The following LHX8 variants were observed in gnomAD, a reference collection of about 807,000 sequenced individuals.
LHX8 encodes the protein LIM/homeobox protein Lhx8.
A neutral mutation model predicts 40.3 loss-of-function variants in LHX8; 12 were observed. The observed-to-expected ratio is 0.30, with a 90% CI of 0.19 to 0.48. The LOEUF is 0.48. Ranked by LOEUF, LHX8 falls within the 20% of genes least tolerant of loss-of-function variation. The pLI is 0.99. For missense variants in LHX8, 344 were observed against 433.7 expected, an observed-to-expected ratio of 0.79 and a Z score of 1.84; for synonymous variants, 179 against 162.0, an observed-to-expected ratio of 1.10 and a Z score of -0.80.
the LHX8 span, among the ~76,000 whole-genome samples, chr1:75,186,604 G>A: frequency 2.6e-5 from 4 of 152,128 alleles, no homozygotes; most frequent in African/African-American, 9.7e-5. Context: ...TGGTTTGCGA[G>A]GACATGGTGT....
At chr1:75,189,600 C>G in the LHX8 span, among the ~76,000 whole-genome samples, 1 of 152,088 alleles carries the variant, frequency 6.6e-6, no homozygotes, top group African/African-American at 2.4e-5. Flanking sequence ...TAAATGTTTT[C>G]TAAGTAGATT....
chr1:75,157,738 T>G (rs549938463), intron 8 of LHX8, among the ~76,000 whole-genome samples: 6 of 152,366 alleles, frequency 3.9e-5, no homozygotes, highest in African/African-American at 1.4e-4. Context: ...TATATTATTG[T>G]GAGAATCTGT....
chr1:75,141,455 G>A (rs751927522), intron 4 of LHX8, among the ~76,000 whole-genome samples: 4 of 152,110 alleles, frequency 2.6e-5, no homozygotes, highest in Non-Finnish European at 4.4e-5. Flanking sequence ...GGAATGGTTA[G>A]ATGAAATAAA....
chr1:75,187,207 A>G, the LHX8 span, among the ~76,000 whole-genome samples: 3 of 152,156 alleles, frequency 2.0e-5, no homozygotes, highest in Non-Finnish European at 4.4e-5. Flanking sequence ...ATTCCCACCT[A>G]AAGTCCCCAA....
the LHX8 span, among the ~76,000 whole-genome samples, chr1:75,180,634 C>T: frequency 3.3e-5 from 5 of 152,170 alleles, no homozygotes; most frequent in African/African-American, 1.2e-4. Context: ...TGGGTTCGAA[C>T]ATCCTTCTTT....
Position 75,140,851 on chromosome 1 carries a change from A to T in LHX8, c.238-134A>T, listed in dbSNP as rs150414579. On this transcript the variant is annotated intron_variant, in intron 3 of 8. Transcript: ENST00000356261. ...AAAAATGACATCTTAAAAAAAAATG[A>T]CATCTTTTGGATGAAAACATTCAGA... 547 of 864,182 alleles carry T rather than the reference A, an allele frequency of 6.3e-4. 2 individuals carry two copies. The African/African-American group carries it at 7.9e-3, about 13-fold the overall frequency. 53.5% of individuals were successfully genotyped at this position (864,182 alleles called of 1,614,324 possible).
At chr1:75,174,276 T>A in the LHX8 span, among the ~76,000 whole-genome samples, 2 of 151,960 alleles carry the variant, frequency 1.3e-5, no homozygotes, top group Non-Finnish European at 2.9e-5. Flanking sequence ...CATCCTGGAG[T>A]CTGGTACAAC....
the LHX8 span, among the ~76,000 whole-genome samples, chr1:75,185,883 C>G: frequency 6.6e-6 from 1 of 152,132 alleles, no homozygotes; most frequent in East Asian, 1.9e-4. Context: ...AAATTACTAG[C>G]ATTCCTATAC....
upstream of LHX8, chr1:75,130,770 A>G (rs1308845397): frequency 1.0e-5 from 16 of 1,607,292 alleles, no homozygotes; most frequent in East Asian, 2.2e-5. Context: ...GCAATCTCCT[A>G]AAGTCTTTTT....
At chr1:75,170,964 T>C in the LHX8 span, among the ~76,000 whole-genome samples, 20 of 152,214 alleles carry the variant, frequency 1.3e-4, no homozygotes, top group African/African-American at 2.2e-4. Flanking sequence ...TTACAGATGA[T>C]ACAATTGAGG....
intron 7 of LHX8, among the ~76,000 whole-genome samples, chr1:75,152,983 CCTAT>C (rs1230054877): frequency 2.0e-5 from 3 of 152,130 alleles, no homozygotes; most frequent in Non-Finnish European, 2.9e-5. Flanking sequence ...ATTTATTAAT[CCTAT>C]CTGTCATGTT....
At chr1:75,136,451 G>A (rs928082263) in intron 1 of LHX8, 152 bp from the exon 2 acceptor site, 5 of 436,008 alleles carry the variant, frequency 1.1e-5, no homozygotes, top group Non-Finnish European at 1.5e-5. Flanking sequence ...CCCGCCCGCG[G>A]CGCCCGGGCT....
intron 3 of LHX8, 71 bp downstream of exon 3, chr1:75,137,332 T>C: frequency 6.8e-7 from 1 of 1,464,272 alleles, no homozygotes; most frequent in Non-Finnish European, 9.5e-7. Context: ...AAAAGAGTAA[T>C]GTTCCTCCCA....
chr1:75,192,797 A>T, the LHX8 span, among the ~76,000 whole-genome samples: 2 of 151,604 alleles, frequency 1.3e-5, no homozygotes, highest in African/African-American at 2.4e-5. Flanking sequence ...GGCTCAAGTG[A>T]TTCTCCTGAT....
At chr1:75,144,622 C>T (rs989959310) in intron 6 of LHX8, among the ~76,000 whole-genome samples, 1 of 152,030 alleles carries the variant, frequency 6.6e-6, no homozygotes, top group Non-Finnish European at 1.5e-5. Flanking sequence ...TACAAATTAT[C>T]AAAATAATTA....
At chr1:75,146,531 A>G (rs1334184878) in intron 6 of LHX8, among the ~76,000 whole-genome samples, 2 of 152,168 alleles carry the variant, frequency 1.3e-5, no homozygotes, top group African/African-American at 4.8e-5. Context: ...AGTTACTGCT[A>G]TGCAGCCTCC....
chr1:75,168,492 G>A, the LHX8 span, among the ~76,000 whole-genome samples: 1 of 152,320 alleles, frequency 6.6e-6, no homozygotes, highest in Middle Eastern at 3.4e-3. Context: ...CTCCCAAAGT[G>A]CTGGGATTAC....
At chr1:75,147,168 C>T (rs1222444011) in intron 6 of LHX8, among the ~76,000 whole-genome samples, 1 of 152,020 alleles carries the variant, frequency 6.6e-6, no homozygotes, top group Non-Finnish European at 1.5e-5. Context: ...AGCAAAAATC[C>T]ATGTTCTGTT....
intron 5 of LHX8, 96 bp downstream of exon 5, chr1:75,143,434 A>G (rs1648374677): frequency 1.2e-6 from 1 of 840,840 alleles, no homozygotes; most frequent in African/African-American, 1.7e-5. Context: ...ATTATTTTGT[A>G]CAATGTATAA....
Sources: gnomAD v4.1 joint callset for allele counts (sites outside exome capture counted in the v4.1 genomes callset) on GRCh38, gnomAD v4.1.1 for gene constraint, MANE v1.5 for transcripts, NCBI Gene and HGNC (gene_info 2026-07-23, HGNC 2026-07-21) for gene names.